Variants in GRIK1 observed in about 807,000 individuals in gnomAD.
GRIK1 encodes glutamate ionotropic receptor kainate type subunit 1.
A neutral mutation model predicts 105.7 loss-of-function variants in GRIK1; 69 were observed. The observed-to-expected ratio is 0.65, with a 90% confidence interval of 0.54 to 0.80. GRIK1 has a LOEUF of 0.80. GRIK1 is among the 30% of genes least tolerant of loss of function. GRIK1 has a pLI of 0.00. For synonymous variants in GRIK1, 438 were observed against 431.3 expected (o/e 1.02, Z -0.19); for missense variants, 1,109 against 1,167.3 (o/e 0.95, Z 0.73).
At position 29,781,834 on chromosome 21, in the gene GRIK1, C is replaced by G. The variant is rs1364280838; in HGVS notation, c.119-87771G>C. 5.4e-5 allele frequency among the ~76,000 whole-genome samples: 8 copies of G among 149,274 alleles called. No homozygotes were observed. The East Asian group carries it at 1.6e-3, about 30-fold the overall frequency. On this transcript the variant is annotated intron_variant, in intron 1 of 17. Transcript: ENST00000327783. ...TACAGGCGCCCGCCACCGCGCCCGG[C>G]TAATTTTTTGTATTTTTAGTAGAGA...
At chr21:29,742,777 CAT>C (rs1376055797) in intron 1 of GRIK1, among the ~76,000 whole-genome samples, 5 of 152,304 alleles carry the variant, frequency 3.3e-5, no homozygotes, top group African/African-American at 1.2e-4. Context: ...ATTTTATGAA[CAT>C]AGTGAATCTG....
intron 1 of GRIK1, among the ~76,000 whole-genome samples, chr21:29,772,296 CT>C (rs1341040175): frequency 6.6e-6 from 1 of 152,092 alleles, no homozygotes; most frequent in Non-Finnish European, 1.5e-5. Context: ...GTTTGCTGCC[CT>C]TTTTGAGTTA....
chr21:29,790,298 C>T lies in GRIK1; in HGVS notation c.119-96235G>A, dbSNP rs191341822. Among the ~76,000 whole-genome samples, 9 of 152,226 alleles carry T rather than the reference C, an allele frequency of 5.9e-5. No individual in the cohort carries two copies. The East Asian group carries it at 1.4e-3, about 23-fold the overall frequency. ...TCTTCACCTCATGATCTGCCCACCT[C>T]GGCCTCCCAAAGTGCTGGGATTACA... On this transcript the variant is annotated intron_variant, in intron 1 of 17. Coordinates refer to ENST00000327783, the MANE Select transcript of GRIK1 (RefSeq NM_001330994.2).
At chr21:29,875,983 G>A (rs916937046) in intron 1 of GRIK1, among the ~76,000 whole-genome samples, 2 of 152,130 alleles carry the variant, frequency 1.3e-5, no homozygotes, top group Non-Finnish European at 2.9e-5. Context: ...ATGCAAGCAC[G>A]TGAGCTCCCA....
intron 1 of GRIK1, among the ~76,000 whole-genome samples, chr21:29,878,566 T>A (rs983117659): frequency 6.6e-6 from 1 of 152,158 alleles, no homozygotes; most frequent in African/African-American, 2.4e-5. Flanking sequence ...ATAGACTGAA[T>A]GGTTGTGTTT....
chr21:29,631,657 A>G (rs551251735), intron 7 of GRIK1, among the ~76,000 whole-genome samples: 2 of 152,364 alleles, frequency 1.3e-5, no homozygotes, highest in African/African-American at 4.8e-5. Context: ...GAGATGTACC[A>G]TAAGTGTAAA....
intron 1 of GRIK1, among the ~76,000 whole-genome samples, chr21:29,700,059 A>G (rs1259234677): frequency 1.3e-5 from 2 of 152,204 alleles, no homozygotes; most frequent in Admixed American, 6.5e-5. Flanking sequence ...TTTACAGCGC[A>G]GTAATTTAAG....
chr21:29,814,891 G>C (rs1184685938), intron 1 of GRIK1, among the ~76,000 whole-genome samples: 1 of 152,140 alleles, frequency 6.6e-6, no homozygotes, highest in Non-Finnish European at 1.5e-5. Context: ...ACACCAGAAA[G>C]TCTTGTTTCA....
At chr21:29,564,049 G>T (rs1302109707) in intron 14 of GRIK1, among the ~76,000 whole-genome samples, 1 of 152,150 alleles carries the variant, frequency 6.6e-6, no homozygotes, top group East Asian at 1.9e-4. Flanking sequence ...ATTATTCCCT[G>T]AGGTGGGTTG....
intron 1 of GRIK1, among the ~76,000 whole-genome samples, chr21:29,795,343 T>C (rs2145835714): frequency 6.6e-6 from 1 of 152,212 alleles, no homozygotes; most frequent in Non-Finnish European, 1.5e-5. Context: ...GTCTGCTCTA[T>C]TTTAAGATTG....
At chr21:29,732,719 TG>T (rs1184746635) in intron 1 of GRIK1, among the ~76,000 whole-genome samples, 1 of 152,216 alleles carries the variant, frequency 6.6e-6, no homozygotes, top group Non-Finnish European at 1.5e-5. Flanking sequence ...GATGTATTTG[TG>T]GATATGCTAG....
chr21:29,786,208 C>T (rs752020714), intron 1 of GRIK1, among the ~76,000 whole-genome samples: 27 of 152,094 alleles, frequency 1.8e-4, no homozygotes, highest in African/African-American at 5.6e-4. Context: ...AGGATGGTCT[C>T]GATCTCTTGA....
intron 16 of GRIK1, among the ~76,000 whole-genome samples, chr21:29,550,698 A>T: frequency 6.6e-6 from 1 of 152,364 alleles, no homozygotes; most frequent in Admixed American, 6.5e-5. Flanking sequence ...CCTCTAAATT[A>T]GAAAACCAAT....
chr21:29,777,156 G>T (rs1459669538), intron 1 of GRIK1, among the ~76,000 whole-genome samples: 1 of 152,112 alleles, frequency 6.6e-6, no homozygotes, highest in Non-Finnish European at 1.5e-5. Flanking sequence ...TATAAATTCT[G>T]GAGATGAGCT....
intron 13 of GRIK1, among the ~76,000 whole-genome samples, chr21:29,579,559 G>A (rs2090969660): frequency 6.6e-6 from 1 of 152,154 alleles, no homozygotes; most frequent in Non-Finnish European, 1.5e-5. Flanking sequence ...TCAACAAAAT[G>A]TTTTCCAATT....
chr21:29,848,052 T>G (rs1160383696), intron 1 of GRIK1, among the ~76,000 whole-genome samples: 1 of 151,872 alleles, frequency 6.6e-6, no homozygotes, highest in African/African-American at 2.4e-5. Context: ...ACGTAAGTTA[T>G]TATTATTATT....
intron 1 of GRIK1, among the ~76,000 whole-genome samples, chr21:29,860,312 G>C (rs937724441): frequency 6.6e-6 from 1 of 152,210 alleles, no homozygotes; most frequent in Non-Finnish European, 1.5e-5. Context: ...TGCCAACCTG[G>C]GGGAGTGACA....
intron 1 of GRIK1, among the ~76,000 whole-genome samples, chr21:29,762,074 G>A (rs1015213711): frequency 6.6e-6 from 1 of 152,216 alleles, no homozygotes; most frequent in Admixed American, 6.5e-5. Flanking sequence ...ACAAAATAAA[G>A]TAAAGCTGTG....
At chr21:29,889,867 G>A (rs1017821048) in intron 1 of GRIK1, among the ~76,000 whole-genome samples, 2 of 151,960 alleles carry the variant, frequency 1.3e-5, no homozygotes, top group Admixed American at 6.5e-5. Context: ...GGAAGATAAA[G>A]CTAAGTATAA....
Sources: allele counts gnomAD v4.1 joint callset (sites outside exome capture counted in the v4.1 genomes callset), GRCh38; gene constraint gnomAD v4.1.1; transcripts MANE v1.5; gene names NCBI Gene and HGNC (gene_info 2026-07-23, HGNC 2026-07-21).